CLMP: variants seen among roughly 807,000 people sequenced by gnomAD.
CLMP encodes the protein CXADR like cell adhesion molecule.
A neutral mutation model predicts 45.2 loss-of-function variants in CLMP; 27 were observed. That is an observed-to-expected ratio of 0.60 (90% confidence interval 0.44 to 0.82). CLMP has a LOEUF of 0.82. Among genes scored for constraint, CLMP ranks in the 40% least tolerant of loss-of-function variants. The probability of loss-of-function intolerance (pLI) is 0.00; values close to 1 mark genes in which losing one functional copy is unlikely to be tolerated. For missense variants in CLMP, 403 were observed against 448.4 expected (o/e 0.90, Z 0.91); for synonymous variants, 167 against 171.4 (o/e 0.97, Z 0.20).
chr11:123,143,219 A>G (rs1861189829), intron 1 of CLMP, among the ~76,000 whole-genome samples: 1 of 152,222 alleles, frequency 6.6e-6, no homozygotes, highest in African/African-American at 2.4e-5. Context: ...TAGAAGGGAC[A>G]TTGGCCATGG....
chr11:123,115,201 C>G (rs576191693), intron 1 of CLMP, among the ~76,000 whole-genome samples: 1 of 151,174 alleles, frequency 6.6e-6, no homozygotes, highest in Non-Finnish European at 1.5e-5. Context: ...ACCAGCACAC[C>G]TGGCTAATTT....
intron 1 of CLMP, among the ~76,000 whole-genome samples, chr11:123,104,408 G>A (rs117471617): frequency 0.097 from 14,515 of 150,256 alleles, 801 homozygotes; most frequent in East Asian, 0.16. Context: ...TTCCCCAGAC[G>A]GAGTCTCGCC....
At chr11:123,178,933 G>A (rs1189579440) in intron 1 of CLMP, among the ~76,000 whole-genome samples, 1 of 152,230 alleles carries the variant, frequency 6.6e-6, no homozygotes, top group Non-Finnish European at 1.5e-5. Flanking sequence ...GTCTAGCACA[G>A]TGTCTGTTAC....
chr11:123,082,050 A>G (rs1865810600), intron 5 of CLMP, among the ~76,000 whole-genome samples: 1 of 152,188 alleles, frequency 6.6e-6, no homozygotes, highest in Non-Finnish European at 1.5e-5. Flanking sequence ...CTGTACTTGA[A>G]GCAAATCAAA....
At chr11:123,129,767 A>C (rs1330630755) in intron 1 of CLMP, among the ~76,000 whole-genome samples, 2 of 149,786 alleles carry the variant, frequency 1.3e-5, no homozygotes, top group African/African-American at 4.9e-5. Context: ...TATCTTATAC[A>C]TCAGGCAGCT....
chr11:123,133,023 C>T (rs1264247021), intron 1 of CLMP, among the ~76,000 whole-genome samples: 1 of 152,142 alleles, frequency 6.6e-6, no homozygotes, highest in African/African-American at 2.4e-5. Context: ...CCTGCCTCGG[C>T]CTCCCAAAGG....
chr11:123,159,223 G>GTT (rs1861453078), intron 1 of CLMP, among the ~76,000 whole-genome samples: 1 of 152,222 alleles, frequency 6.6e-6, no homozygotes, highest in African/African-American at 2.4e-5. Flanking sequence ...CCCGGAAATA[G>GTT]TTTAACAGTT....
intron 1 of CLMP, among the ~76,000 whole-genome samples, chr11:123,117,582 A>G (rs1860735990): frequency 6.6e-6 from 1 of 151,996 alleles, no homozygotes; most frequent in Admixed American, 6.6e-5. Context: ...ACTCGCCACC[A>G]TGCCTGGCTA....
At chr11:123,155,722 C>G (rs986796238) in intron 1 of CLMP, among the ~76,000 whole-genome samples, 4 of 152,168 alleles carry the variant, frequency 2.6e-5, no homozygotes, top group African/African-American at 9.7e-5. Context: ...GTATTCATGT[C>G]CTTGTATAGT....
At chr11:123,150,480 A>AAAGAAAGAAAGAAAGAAAGAAAAAGG (rs764502298) in intron 1 of CLMP, among the ~76,000 whole-genome samples, 27 of 40,958 alleles carry the variant, frequency 6.6e-4, no homozygotes, top group Non-Finnish European at 5.6e-4. Flanking sequence ...AGAAAGAAAG[A>AAAGAAAGAAAGAAAGAAAGAAAAAGG]AAGGAAGGAA....
chr11:123,192,866 G>C (rs1014784583), intron 1 of CLMP: 1 of 152,270 alleles, frequency 6.6e-6, no homozygotes, highest in African/African-American at 2.4e-5. Flanking sequence ...TAAAGGACCA[G>C]TATGATGATT....
chr11:123,101,831 A>G (rs1238555153), intron 1 of CLMP, among the ~76,000 whole-genome samples: 1 of 152,232 alleles, frequency 6.6e-6, no homozygotes, highest in Non-Finnish European at 1.5e-5. Flanking sequence ...AGGAGAGACT[A>G]AATCCTGGTA....
intron 1 of CLMP, among the ~76,000 whole-genome samples, chr11:123,119,607 T>C (rs1466663495): frequency 6.6e-6 from 1 of 151,918 alleles, no homozygotes; most frequent in Non-Finnish European, 1.5e-5. Flanking sequence ...CAAAATAGTA[T>C]ACAGTGAAAA....
At chr11:123,097,774 T>C in intron 2 of CLMP, 21 bp downstream of exon 2, 1 of 1,536,072 alleles carries the variant, frequency 6.5e-7, no homozygotes, top group Non-Finnish European at 8.8e-7. Flanking sequence ...GAGGAGGGAC[T>C]CCAGCCAGGT....
At chr11:123,186,763 T>G (rs1290896672) in intron 1 of CLMP, among the ~76,000 whole-genome samples, 1 of 152,122 alleles carries the variant, frequency 6.6e-6, no homozygotes, top group Non-Finnish European at 1.5e-5. Flanking sequence ...CCTCCAGTGA[T>G]CCACCCGCCT....
chr11:123,095,254 A>C (rs1865976239), intron 2 of CLMP, among the ~76,000 whole-genome samples: 1 of 152,132 alleles, frequency 6.6e-6, no homozygotes, highest in African/African-American at 2.4e-5. Flanking sequence ...TACTTGGGTG[A>C]AAGTTAGATG....
At chr11:123,135,341 G>A (rs1450149353) in intron 1 of CLMP, among the ~76,000 whole-genome samples, 1 of 150,120 alleles carries the variant, frequency 6.7e-6, no homozygotes, top group Non-Finnish European at 1.5e-5. Flanking sequence ...AAAAAGGTGG[G>A]GGGAGGGGAC....
chr11:123,168,693 T>C (rs1861591821), intron 1 of CLMP, among the ~76,000 whole-genome samples: 2 of 152,228 alleles, frequency 1.3e-5, no homozygotes, highest in Admixed American at 1.3e-4. Flanking sequence ...TTTCTTGTCC[T>C]GCCTCATCTC....
At chr11:123,139,385 C>T (rs1591474041) in intron 1 of CLMP, among the ~76,000 whole-genome samples, 1 of 152,224 alleles carries the variant, frequency 6.6e-6, no homozygotes, top group East Asian at 1.9e-4. Context: ...TAGGGGCCTG[C>T]GTTCTGCAGC....
Sources: allele counts gnomAD v4.1 joint callset (sites outside exome capture counted in the v4.1 genomes callset), GRCh38; gene constraint gnomAD v4.1.1; transcripts MANE v1.5; gene names NCBI Gene and HGNC (gene_info 2026-07-23, HGNC 2026-07-21).